The following FLRT2 variants were observed in gnomAD, a reference collection of about 807,000 sequenced individuals.
FLRT2 encodes fibronectin leucine rich transmembrane protein 2.
In FLRT2, 15 loss-of-function variants were observed where a neutral mutation model predicts 40.0. The observed-to-expected ratio is 0.38, with a 90% CI of 0.25 to 0.58. The LOEUF (loss-of-function observed/expected upper bound fraction) is 0.58, where lower values mean the gene tolerates loss of function less well. Among genes scored for constraint, FLRT2 ranks in the 20% least tolerant of loss-of-function variants. FLRT2 has a pLI of 0.71. For synonymous variants in FLRT2, 380 were observed against 336.8 expected (o/e 1.13, Z -1.41); for missense variants, 726 against 840.0 (o/e 0.86, Z 1.68).
In FLRT2 at chr14:85,553,364, G is replaced by A. The variant is rs545567940; in HGVS notation, c.-377+22830G>A. Among the ~76,000 whole-genome samples the A allele has an allele frequency of 4.9e-4, 74 of 152,192 alleles. 2 individuals are homozygous for A. Among genetic ancestry groups the A allele is most frequent in the African/African-American group, 1.5e-3 (63 of 41,532 alleles). ...GCTCTCTCAGTGAGGCTATGCTGCT[G>A]GGACCATCTAAGGTAAGGGTGTCCA... is the stretch of plus-strand genomic sequence containing the variant. On this transcript the variant is annotated intron_variant, in intron 1 of 1. Transcript: ENST00000330753.
At chr14:85,578,020 A>G (rs1027282365) in intron 1 of FLRT2, among the ~76,000 whole-genome samples, 1 of 151,192 alleles carries the variant, frequency 6.6e-6, no homozygotes. Flanking sequence ...GAAAGGGCCC[A>G]ATGTTTCTAA....
chr14:85,598,671 T>G (rs1892245349), intron 1 of FLRT2, among the ~76,000 whole-genome samples: 1 of 152,172 alleles, frequency 6.6e-6, no homozygotes, highest in Admixed American at 6.5e-5. Context: ...GAAGGAAACC[T>G]TAGATGTTAT....
chr14:85,619,333 C>T (rs1052039803), intron 1 of FLRT2, among the ~76,000 whole-genome samples: 4 of 152,042 alleles, frequency 2.6e-5, no homozygotes, highest in Non-Finnish European at 5.9e-5. Flanking sequence ...TATATGCCTG[C>T]CTCAGCCTCC....
At position 85,621,998 on chromosome 14, in the gene FLRT2, A is replaced by C. The variant is rs766298483; in HGVS notation, c.484A>C (p.Lys162Gln). The change falls in exon 2 of 2, where the codon AAA (lysine) becomes CAA (glutamine). Residue 162 changes from lysine (K) to glutamine (Q), a missense_variant. Around this residue, in one of 3 missense-constraint regions of FLRT2, gnomAD observed 611 missense variants for 690.0 expected, o/e 0.89. Transcript: ENST00000330753. ...DGAFREAISLKLLFLSKNHLS... is the reference protein window; with the variant it reads ...DGAFREAISLQLLFLSKNHLS... ...GGCCTTCCGGGAGGCTATTAGCCTCAAATTGTTGTTTTTGTCTAAGAATCA... is the reference window on the plus strand; with the variant it reads ...GGCCTTCCGGGAGGCTATTAGCCTCCAATTGTTGTTTTTGTCTAAGAATCA... The C allele has an allele frequency of 3.5e-5, 57 of 1,607,516 alleles. No individual in the cohort carries two copies. The highest frequency in any genetic ancestry group is 1.3e-4 in the Admixed American group (8 of 59,444).
intron 1 of FLRT2, among the ~76,000 whole-genome samples, chr14:85,570,938 A>T (rs920259529): frequency 1.3e-5 from 2 of 152,120 alleles, no homozygotes; most frequent in Admixed American, 1.3e-4. Flanking sequence ...GTATTCCATT[A>T]TACTTGCCTT....
chr14:85,587,258 T>C (rs372263952), intron 1 of FLRT2, among the ~76,000 whole-genome samples: 3 of 149,168 alleles, frequency 2.0e-5, no homozygotes, highest in East Asian at 3.9e-4. Context: ...AACTGCTTTG[T>C]CATCCAGTTT....
At chr14:85,581,963 G>C (rs968146175) in intron 1 of FLRT2, among the ~76,000 whole-genome samples, 2 of 152,270 alleles carry the variant, frequency 1.3e-5, no homozygotes, top group Middle Eastern at 6.8e-3. Context: ...TCCTGACTCT[G>C]GTTGACAGCT....
chr14:85,622,610 G>A lies in FLRT2; in HGVS notation c.1096G>A (p.Gly366Ser), dbSNP rs922877580. The stretch of plus-strand genomic sequence containing the variant: ...TTTGTCCTGTCCCACCACGACCCCC[G>A]GCCTGCCTCTCTTCACCCCAGCCCC... ...NLLSCPTTTP[G>S]LPLFTPAPST... The change falls in exon 2 of 2, where the codon GGC (glycine) becomes AGC (serine). Residue 366 changes from glycine to serine, a missense_variant. Gly to Ser is a moderately conservative substitution (Grantham distance 56). Transcript: ENST00000330753. 10 of 1,613,292 alleles carry A rather than the reference G, an allele frequency of 6.2e-6. No individual in the cohort carries two copies. The highest frequency in any genetic ancestry group is 5.0e-5 in the Admixed American group (3 of 59,954).
intron 1 of FLRT2, among the ~76,000 whole-genome samples, chr14:85,589,723 T>C (rs758276471): frequency 3.3e-5 from 5 of 152,150 alleles, no homozygotes; most frequent in Non-Finnish European, 5.9e-5. Context: ...GGTTTTCTTA[T>C]GGTAGTTTAA....
At chr14:85,531,378 TG>T (rs1478923008) in intron 1 of FLRT2, among the ~76,000 whole-genome samples, 1 of 152,200 alleles carries the variant, frequency 6.6e-6, no homozygotes, top group African/African-American at 2.4e-5. Context: ...TGGGGCCTCC[TG>T]GAAAGATCCC....
In FLRT2 at chr14:85,653,804, T is replaced by A. The variant is rs1894487550; in HGVS notation, c.*30307T>A. ...ATGTTGATGTGTGTGACTCCTTCTC[T>A]GTGTGTTGCTATTAAAGACATTAAG... On this transcript the variant is annotated 3_prime_UTR_variant, in exon 2 of 2. Transcript: ENST00000330753. The A allele has an allele frequency of 6.6e-6, 1 of 152,218 alleles. No individual in the cohort carries two copies. The highest frequency in any genetic ancestry group is 2.4e-5 in the African/African-American group (1 of 41,464). The allele number at this position is 152,218 out of a possible 1,614,324, so 9.4% of individuals were successfully genotyped here.
intron 1 of FLRT2, among the ~76,000 whole-genome samples, chr14:85,560,401 C>A (rs932208208): frequency 6.6e-6 from 1 of 151,788 alleles, no homozygotes; most frequent in Admixed American, 6.6e-5. Flanking sequence ...ATGGTGAAAC[C>A]CCGTCTCTAC....
At chr14:85,589,897 T>A (rs1359258829) in intron 1 of FLRT2, among the ~76,000 whole-genome samples, 1 of 152,094 alleles carries the variant, frequency 6.6e-6, no homozygotes, top group Admixed American at 6.6e-5. Flanking sequence ...TCTTGGCACT[T>A]TTGTCAAAAG....
chr14:85,532,976 T>C (rs1215062635), intron 1 of FLRT2, among the ~76,000 whole-genome samples: 2 of 152,104 alleles, frequency 1.3e-5, no homozygotes, highest in African/African-American at 2.4e-5. Context: ...GCCGGGTAGA[T>C]AGAGAGAAGG....
chr14:85,545,876 G>A (rs1889251958), intron 1 of FLRT2, among the ~76,000 whole-genome samples: 1 of 152,184 alleles, frequency 6.6e-6, no homozygotes, highest in African/African-American at 2.4e-5. Flanking sequence ...AGGTGATAAT[G>A]GACAACGGAA....
intron 1 of FLRT2, among the ~76,000 whole-genome samples, chr14:85,549,532 G>A (rs1186696843): frequency 7.9e-5 from 12 of 152,176 alleles, no homozygotes; most frequent in Non-Finnish European, 1.5e-5. Flanking sequence ...TGAACATAGA[G>A]AGAAGGTCAT....
chr14:85,557,055 G>C (rs1159371070), intron 1 of FLRT2, among the ~76,000 whole-genome samples: 2 of 152,044 alleles, frequency 1.3e-5, no homozygotes, highest in Non-Finnish European at 2.9e-5. Context: ...AACAGTATGG[G>C]GGAAACTGCC....
chr14:85,613,023 A>G (rs993880816), intron 1 of FLRT2, among the ~76,000 whole-genome samples: 1 of 152,128 alleles, frequency 6.6e-6, no homozygotes, highest in African/African-American at 2.4e-5. Context: ...TATTTTTTTC[A>G]TAAGCTTTTT....
At chr14:85,567,357 T>C (rs1890670780) in intron 1 of FLRT2, among the ~76,000 whole-genome samples, 1 of 152,036 alleles carries the variant, frequency 6.6e-6, no homozygotes, top group Admixed American at 6.5e-5. Flanking sequence ...ACTTGAGGCT[T>C]TCTAGAAAAG....
Sources: allele counts gnomAD v4.1 joint callset (sites outside exome capture counted in the v4.1 genomes callset), GRCh38; gene constraint gnomAD v4.1.1; regional missense constraint gnomAD v4.1.1; transcripts MANE v1.5; gene names NCBI Gene and HGNC (gene_info 2026-07-23, HGNC 2026-07-21).